ADAMTS6: variants seen among roughly 807,000 people sequenced by gnomAD.
The protein encoded by ADAMTS6 is ADAM metallopeptidase with thrombospondin type 1 motif 6.
In ADAMTS6, 23 loss-of-function variants were observed where a neutral mutation model predicts 144.3. That is an observed-to-expected ratio of 0.16 (90% CI 0.11 to 0.23). The LOEUF (loss-of-function observed/expected upper bound fraction) is 0.23, where lower values mean the gene tolerates loss of function less well. Ranked by LOEUF, ADAMTS6 falls within the 10% of genes least tolerant of loss-of-function variation. The probability of loss-of-function intolerance (pLI) is 1.00; values close to 1 mark genes in which losing one functional copy is unlikely to be tolerated. For missense variants in ADAMTS6, 999 were observed against 1,379.6 expected (o/e 0.72, Z 4.37); for synonymous variants, 444 against 457.5 (o/e 0.97, Z 0.38).
intron 7 of ADAMTS6, among the ~76,000 whole-genome samples, chr5:65,430,578 C>G (rs951786795): frequency 6.6e-6 from 1 of 152,274 alleles, no homozygotes; most frequent in Middle Eastern, 3.4e-3. Context: ...CAACCAATAT[C>G]CAATCACCCT....
intron 2 of ADAMTS6, among the ~76,000 whole-genome samples, chr5:65,473,177 AGGG>A (rs1760596335): frequency 1.3e-5 from 2 of 152,164 alleles, no homozygotes; most frequent in African/African-American, 2.4e-5. Flanking sequence ...TTTTTCACAA[AGGG>A]TCCATATTAA....
chr5:65,369,195 G>C (rs1395795606), intron 7 of ADAMTS6, among the ~76,000 whole-genome samples: 2 of 152,166 alleles, frequency 1.3e-5, no homozygotes, highest in East Asian at 1.9e-4. Context: ...ACTCCAGCCT[G>C]AGTGAGATCC....
intron 11 of ADAMTS6, among the ~76,000 whole-genome samples, chr5:65,284,211 G>C (rs1459192771): frequency 6.6e-6 from 1 of 152,054 alleles, no homozygotes; most frequent in Admixed American, 6.6e-5. Flanking sequence ...GAGTCTGAGA[G>C]ACAAAGCATG....
intron 15 of ADAMTS6, among the ~76,000 whole-genome samples, chr5:65,230,287 C>CATATAT (rs70983664): frequency 6.2e-5 from 4 of 64,932 alleles, no homozygotes; most frequent in African/African-American, 3.3e-4. Flanking sequence ...ATACCTAAAG[C>CATATAT]ATATATATAT....
rs771783301 is a variant in ADAMTS6 at position 65,260,166 on chromosome 5, T to C, written c.1830+434A>G. On this transcript the variant is annotated intron_variant, in intron 14 of 24. Coordinates refer to ENST00000381055, the MANE Select transcript of ADAMTS6 (RefSeq NM_197941.4). Reference sequence around the variant, plus strand: ...AGAAGTTTCAGTAGTTGGGCAGGGATACAAAACAGAACAGAGGAGGAAATA... The same window carrying C: ...AGAAGTTTCAGTAGTTGGGCAGGGACACAAAACAGAACAGAGGAGGAAATA... Among the ~76,000 whole-genome samples, 46 of 152,252 alleles carry C rather than the reference T, an allele frequency of 3.0e-4. 1 individual carries two copies. Among genetic ancestry groups the C allele is most frequent in the Non-Finnish European group, 6.5e-4 (44 of 68,018 alleles).
intron 22 of ADAMTS6, among the ~76,000 whole-genome samples, chr5:65,175,196 G>T (rs2112100266): frequency 6.6e-6 from 1 of 151,556 alleles, no homozygotes; most frequent in South Asian, 2.1e-4. Context: ...GACAGAGGAG[G>T]AAAGAGAGAG....
chr5:65,470,420 A>G (rs866863218), intron 3 of ADAMTS6, among the ~76,000 whole-genome samples: 2 of 152,222 alleles, frequency 1.3e-5, no homozygotes, highest in African/African-American at 4.8e-5. Flanking sequence ...GCTTCCTGCC[A>G]TAATACACAT....
intron 22 of ADAMTS6, among the ~76,000 whole-genome samples, chr5:65,187,248 C>T (rs1469325548): frequency 6.6e-6 from 1 of 152,162 alleles, no homozygotes; most frequent in Non-Finnish European, 1.5e-5. Flanking sequence ...ACGTATCTGT[C>T]TCATGGATAC....
At chr5:65,205,835 C>G (rs1756049253) in intron 20 of ADAMTS6, among the ~76,000 whole-genome samples, 1 of 152,046 alleles carries the variant, frequency 6.6e-6, no homozygotes, top group Non-Finnish European at 1.5e-5. Context: ...TTTAATCACC[C>G]ACTATTCTTA....
rs1759525037 is a variant in ADAMTS6 at position 65,245,230 on chromosome 5, A to G, written c.1831-3024T>C. The stretch of plus-strand genomic sequence containing the variant: ...CTATATTTTAGGGGAACAAACCCTG[A>G]AAGCTCCACTTCCCAGGCTTTTTTG... On this transcript the variant is annotated intron_variant, in intron 14 of 24. Transcript: ENST00000381055. Among the ~76,000 whole-genome samples the G allele has an allele frequency of 2.0e-5, 3 of 152,158 alleles. No individual in the cohort carries two copies. The South Asian group carries it at 6.2e-4, about 32-fold the overall frequency.
At chr5:65,165,875 A>G (rs1753111073) in intron 24 of ADAMTS6, among the ~76,000 whole-genome samples, 1 of 138,910 alleles carries the variant, frequency 7.2e-6, no homozygotes, top group African/African-American at 2.7e-5. Flanking sequence ...AGAGCTCCTG[A>G]AGGAAGCGCT....
chr5:65,357,986 C>T (rs1749490888), intron 7 of ADAMTS6, among the ~76,000 whole-genome samples: 1 of 151,798 alleles, frequency 6.6e-6, no homozygotes, highest in Admixed American at 6.6e-5. Flanking sequence ...TTTAATAAGG[C>T]AAGTATTATG....
chr5:65,389,926 T>TG (rs1428462150), intron 7 of ADAMTS6, among the ~76,000 whole-genome samples: 1 of 152,184 alleles, frequency 6.6e-6, no homozygotes, highest in African/African-American at 2.4e-5. Context: ...AGAAACGTTT[T>TG]TCTTTGATTT....
intron 11 of ADAMTS6, among the ~76,000 whole-genome samples, chr5:65,277,120 T>C (rs1489373160): frequency 6.6e-6 from 1 of 152,168 alleles, no homozygotes; most frequent in Non-Finnish European, 1.5e-5. Context: ...ATTTCTGTTA[T>C]ATGACACTGT....
intron 3 of ADAMTS6, among the ~76,000 whole-genome samples, chr5:65,462,556 G>C (rs1411329739): frequency 6.6e-6 from 1 of 152,176 alleles, no homozygotes; most frequent in East Asian, 1.9e-4. Context: ...AACTGAGATG[G>C]AGCAACGTTA....
intron 11 of ADAMTS6, among the ~76,000 whole-genome samples, chr5:65,290,482 C>G (rs1456685042): frequency 6.6e-6 from 1 of 151,886 alleles, no homozygotes; most frequent in Non-Finnish European, 1.5e-5. Flanking sequence ...ACCCAGGAGA[C>G]AGAGGTTGCA....
chr5:65,171,869 G>C (rs897232829), intron 23 of ADAMTS6, among the ~76,000 whole-genome samples: 1 of 151,982 alleles, frequency 6.6e-6, no homozygotes, highest in African/African-American at 2.4e-5. Flanking sequence ...TGTCCGAGAG[G>C]CTTAGTTTCA....
intron 15 of ADAMTS6, among the ~76,000 whole-genome samples, chr5:65,235,562 AG>A (rs1758605094): frequency 6.6e-6 from 1 of 152,164 alleles, no homozygotes; most frequent in South Asian, 2.1e-4. Context: ...GCTGCTAGCT[AG>A]GCTAGAATAT....
intron 7 of ADAMTS6, among the ~76,000 whole-genome samples, chr5:65,408,258 T>C (rs939112462): frequency 2.4e-4 from 36 of 152,156 alleles, no homozygotes; most frequent in African/African-American, 8.2e-4. Flanking sequence ...AAACCCATGT[T>C]ACGTGCAGAG....
Sources: allele counts gnomAD v4.1 joint callset (sites outside exome capture counted in the v4.1 genomes callset), GRCh38; gene constraint gnomAD v4.1.1; transcripts MANE v1.5; gene names NCBI Gene and HGNC (gene_info 2026-07-23, HGNC 2026-07-21).